The following TLE1 variants were observed in gnomAD, a reference collection of about 807,000 sequenced individuals.
TLE1 encodes the protein transducin-like enhancer protein 1.
In TLE1, 21 loss-of-function variants were observed where a neutral mutation model predicts 89.8. That is an observed-to-expected ratio of 0.23 (90% CI 0.17 to 0.34). TLE1 has a LOEUF of 0.34. TLE1 is among the 10% of genes least tolerant of loss of function. The pLI is 1.00. For missense variants in TLE1, 795 were observed against 1,031.2 expected (o/e 0.77, Z 3.14); for synonymous variants, 447 against 407.6 (o/e 1.10, Z -1.16).
intron 8 of TLE1, 77 bp downstream of exon 8, chr9:81,633,271 T>G: frequency 8.2e-6 from 12 of 1,464,660 alleles, no homozygotes; most frequent in South Asian, 1.3e-5. Flanking sequence ...TGTGGAGAAG[T>G]GTTGTCAGAA....
chr9:81,607,565 G>A (rs1587939688), intron 14 of TLE1, among the ~76,000 whole-genome samples: 1 of 152,280 alleles, frequency 6.6e-6, no homozygotes, highest in South Asian at 2.1e-4. Context: ...TTATTTGCCT[G>A]TTATTCCACC....
rs777688732 is a variant in TLE1 at position 81,585,593 on chromosome 9, A to G, written c.2040T>C (p.Asn680=). The G allele has an allele frequency of 2.5e-6, 4 of 1,614,050 alleles. No homozygotes were observed. The highest frequency in any genetic ancestry group is 2.2e-5 in the South Asian group (2 of 91,070). ...EWLAVGMESS[N]VEVLHVNKPD... is the part of the protein sequence containing the mutation. Reference sequence around the variant, plus strand: ...GCTTGTTCACGTGCAGCACCTCCACATTGCTGCTCTCCATGCCCACTGCCA... The same window carrying G: ...GCTTGTTCACGTGCAGCACCTCCACGTTGCTGCTCTCCATGCCCACTGCCA... The change falls in exon 18 of 20, where the codon AAT becomes AAC. Residue 680 remains asparagine (N), a synonymous_variant. Coordinates refer to ENST00000376499, the MANE Select transcript of TLE1 (RefSeq NM_005077.5).
chr9:81,636,471 G>A (rs1827377000), intron 6 of TLE1, among the ~76,000 whole-genome samples: 1 of 151,374 alleles, frequency 6.6e-6, no homozygotes, highest in Non-Finnish European at 1.5e-5. Flanking sequence ...GGAATGCAAT[G>A]ATGCATACAC....
intron 4 of TLE1, among the ~76,000 whole-genome samples, chr9:81,658,545 T>C (rs1170638156): frequency 2.0e-5 from 3 of 152,200 alleles, no homozygotes; most frequent in Non-Finnish European, 4.4e-5. Context: ...AGCTTGACTT[T>C]TGAGCCAGAA....
At position 81,666,892 on chromosome 9, in the gene TLE1, A is replaced by G. The variant is rs368961777; in HGVS notation, c.235-12856T>C. Among the ~76,000 whole-genome samples, 8 of 152,236 alleles carry G rather than the reference A, an allele frequency of 5.3e-5. No individual in the cohort carries two copies. In the East Asian group the frequency reaches 9.7e-4, roughly 18 times the overall value. On this transcript the variant is annotated intron_variant, in intron 4 of 19. Coordinates refer to ENST00000376499, the MANE Select transcript of TLE1 (RefSeq NM_005077.5). ...TCAGCACTTTTGAGAGCAAGGTAAG[A>G]GGATCACCGCAGAGCAGGAGTTCAA...
chr9:81,686,156 TCTAA>T (rs955602761), intron 2 of TLE1, among the ~76,000 whole-genome samples: 31 of 152,318 alleles, frequency 2.0e-4, no homozygotes, highest in Admixed American at 1.6e-3. Context: ...TGTCAGAACC[TCTAA>T]CTGATTCCTC....
intron 4 of TLE1, among the ~76,000 whole-genome samples, chr9:81,684,597 T>G (rs991143344): frequency 6.6e-6 from 1 of 152,204 alleles, no homozygotes; most frequent in Non-Finnish European, 1.5e-5. Context: ...ACTAATCAAT[T>G]TCTCCACTGT....
chr9:81,613,530 A>G lies in TLE1; in HGVS notation c.919-9T>C. 1.2e-6 allele frequency: 2 copies of G among 1,613,622 alleles called. No homozygotes were observed. Among genetic ancestry groups the G allele is most frequent in the Non-Finnish European group, 1.7e-6 (2 of 1,179,824 alleles). ...GTGCTGGCTTTTTCATGCTGGTGTC[A>G]TTAAACAAATTAAATGAGTATTATT... On this transcript the variant is annotated splice_polypyrimidine_tract_variant and intron_variant, in intron 11 of 19. Coordinates refer to ENST00000376499, the MANE Select transcript of TLE1 (RefSeq NM_005077.5).
intron 8 of TLE1, among the ~76,000 whole-genome samples, chr9:81,625,478 A>T (rs1368941946): frequency 6.6e-6 from 1 of 152,178 alleles, no homozygotes; most frequent in Non-Finnish European, 1.5e-5. Flanking sequence ...GTGGTAGCTC[A>T]ATGGCCTGAA....
intron 4 of TLE1, among the ~76,000 whole-genome samples, chr9:81,663,343 T>C (rs148142705): frequency 1.2e-3 from 31 of 25,924 alleles, no homozygotes; most frequent in African/African-American, 2.8e-3. Context: ...TCCAAGATCA[T>C]AGAGCAAGAA....
At chr9:81,652,693 A>G (rs1047014158) in intron 5 of TLE1, among the ~76,000 whole-genome samples, 2 of 152,226 alleles carry the variant, frequency 1.3e-5, no homozygotes, top group African/African-American at 4.8e-5. Flanking sequence ...TCATGCCTGT[A>G]ATCCCAGCAC....
chr9:81,604,541 C>T (rs1217040033), intron 14 of TLE1, among the ~76,000 whole-genome samples: 1 of 152,186 alleles, frequency 6.6e-6, no homozygotes, highest in African/African-American at 2.4e-5. Context: ...GAGACAGATT[C>T]AGCTCAAGGG....
At position 81,688,710 on chromosome 9, in the gene TLE1, AGGC is replaced by A; in HGVS notation, c.-473_-471del. The A allele has an allele frequency of 1.3e-5, 2 of 156,004 alleles. No homozygotes were observed. Among genetic ancestry groups the A allele is most frequent in the Non-Finnish European group, 2.8e-5 (2 of 70,916 alleles). The allele number at this position is 156,004 out of a possible 1,614,324, so 9.7% of individuals were successfully genotyped here. On this transcript the variant is annotated 5_prime_UTR_variant, in exon 1 of 20. Coordinates refer to ENST00000376499, the MANE Select transcript of TLE1 (RefSeq NM_005077.5). ...CCGCCTCCTCTTCGGGCTTTCCCCG[AGGC>A]GGCGGCGGGCGAGGTGCAGGTGGCG...
At chr9:81,610,171 G>A in intron 14 of TLE1, 49 bp downstream of exon 14, 4 of 1,519,520 alleles carry the variant, frequency 2.6e-6, no homozygotes, top group Non-Finnish European at 2.7e-6. Flanking sequence ...TAATACCAAT[G>A]ACTGAGTAAC....
intron 14 of TLE1, among the ~76,000 whole-genome samples, chr9:81,594,832 A>C (rs1829992059): frequency 6.6e-6 from 1 of 152,174 alleles, no homozygotes; most frequent in African/African-American, 2.4e-5. Flanking sequence ...CTGAAAACCG[A>C]TTATGCCAGG....
chr9:81,620,585 T>C, intron 8 of TLE1, 28 bp from the exon 9 acceptor site: 2 of 1,600,494 alleles, frequency 1.2e-6, no homozygotes, highest in African/African-American at 2.7e-5. Flanking sequence ...TAATCAAAGA[T>C]TTCTTCCCAA....
intron 5 of TLE1, 108 bp from the exon 6 acceptor site, chr9:81,652,396 G>C (rs902081981): frequency 3.7e-6 from 3 of 807,384 alleles, no homozygotes; most frequent in Non-Finnish European, 6.0e-6. Context: ...GAAGTAGAAG[G>C]GTTTAAATGC....
chr9:81,687,878 AT>A (rs966279208), intron 1 of TLE1, among the ~76,000 whole-genome samples: 15 of 151,908 alleles, frequency 9.9e-5, no homozygotes, highest in Non-Finnish European at 4.4e-5. Context: ...CCGCATTGAC[AT>A]GTAAATAGGC....
At chr9:81,600,369 C>G (rs951300265) in intron 14 of TLE1, among the ~76,000 whole-genome samples, 27 of 152,088 alleles carry the variant, frequency 1.8e-4, no homozygotes, top group Admixed American at 1.6e-3. Context: ...CTAAACACAA[C>G]TGACATCAAA....
Sources: allele counts gnomAD v4.1 joint callset (sites outside exome capture counted in the v4.1 genomes callset), GRCh38; gene constraint gnomAD v4.1.1; transcripts MANE v1.5; gene names NCBI Gene and HGNC (gene_info 2026-07-23, HGNC 2026-07-21).